FBXW11: variants seen among roughly 807,000 people sequenced by gnomAD.
FBXW11 encodes F-box/WD repeat-containing protein 11.
FBXW11 carries 19 observed loss-of-function variants against 77.6 expected under a neutral mutation model. The ratio of observed to expected loss-of-function variants is 0.24; its 90% CI spans 0.17 to 0.36. FBXW11 has a LOEUF of 0.36. Among genes scored for constraint, FBXW11 ranks in the 10% least tolerant of loss-of-function variants. The pLI, the probability that FBXW11 is intolerant of heterozygous loss-of-function variation, is 1.00. For missense variants in FBXW11, 334 were observed against 704.2 expected (o/e 0.47, Z 5.95); for synonymous variants, 235 against 249.4 (o/e 0.94, Z 0.54).
intron 1 of FBXW11, among the ~76,000 whole-genome samples, chr5:171,988,942 C>T (rs1268511628): frequency 2.0e-5 from 3 of 152,146 alleles, no homozygotes; most frequent in Non-Finnish European, 2.9e-5. Context: ...TTTGGGAGGC[C>T]GAGGTGGGCG....
chr5:171,923,990 A>G (rs1761749896), intron 2 of FBXW11, among the ~76,000 whole-genome samples: 1 of 130,940 alleles, frequency 7.6e-6, no homozygotes, highest in Admixed American at 9.9e-5. Context: ...CTGTGGCACG[A>G]TCTCAGCTCA....
At chr5:172,004,074 T>TA (rs2113629659) in intron 1 of FBXW11, among the ~76,000 whole-genome samples, 1 of 152,152 alleles carries the variant, frequency 6.6e-6, no homozygotes, top group East Asian at 1.9e-4. Context: ...GAAACCAATG[T>TA]AAAAAATATT....
intron 1 of FBXW11, among the ~76,000 whole-genome samples, chr5:171,986,826 C>T (rs1050080021): frequency 1.3e-5 from 2 of 152,192 alleles, no homozygotes; most frequent in Admixed American, 1.3e-4. Flanking sequence ...TGACATAAAG[C>T]AGGGATCCCC....
rs1299270021 is a variant in FBXW11 at position 171,974,983 on chromosome 5, A to G, written c.46-17285T>C. ...TTAATTTTGTATTTTTAGTAGAGAC[A>G]GGGTTTCACTGTGTTGGTCAGGCTA... On this transcript the variant is annotated intron_variant, in intron 1 of 13. Coordinates refer to ENST00000517395, the MANE Select transcript of FBXW11 (RefSeq NM_001378974.1). Among the ~76,000 whole-genome samples, 3 of 152,100 alleles carry G rather than the reference A, an allele frequency of 2.0e-5. No individual in the cohort carries two copies. The East Asian group carries it at 5.8e-4, about 29-fold the overall frequency.
intron 2 of FBXW11, 22 bp from the exon 3 acceptor site, chr5:171,914,427 A>G (rs1761098417): frequency 6.4e-7 from 1 of 1,559,754 alleles, no homozygotes; most frequent in South Asian, 1.2e-5. Context: ...AAAACAGGTT[A>G]TTTGAATTAT....
chr5:171,996,188 TCAC>T (rs1307938661), intron 1 of FBXW11, among the ~76,000 whole-genome samples: 4 of 152,176 alleles, frequency 2.6e-5, no homozygotes, highest in Non-Finnish European at 5.9e-5. Flanking sequence ...GAATAAAATA[TCAC>T]CACTTTACAT....
chr5:171,983,918 A>G (rs1463597225), intron 1 of FBXW11, among the ~76,000 whole-genome samples: 1 of 152,124 alleles, frequency 6.6e-6, no homozygotes, highest in Non-Finnish European at 1.5e-5. Context: ...GTACTCAGCA[A>G]CCCAAGCATT....
Position 171,870,944 on chromosome 5 carries a change from A to T in FBXW11, c.1341-86T>A, listed in dbSNP as rs1372534730. 6 of 873,380 alleles carry T rather than the reference A, an allele frequency of 6.9e-6. No individual in the cohort carries two copies. The African/African-American group carries it at 1.0e-4, about 15-fold the overall frequency. 54.1% of individuals were successfully genotyped at this position (873,380 alleles called of 1,614,324 possible). On this transcript the variant is annotated intron_variant, in intron 10 of 13. Transcript: ENST00000517395. ...AGTTTTTTATATCTGTTCCATACAGATACAATTTTTCACTATCTTGGAGCT... is the reference window on the plus strand; with the variant it reads ...AGTTTTTTATATCTGTTCCATACAGTTACAATTTTTCACTATCTTGGAGCT...
At chr5:171,866,205 C>A (rs1314912301) in intron 13 of FBXW11, among the ~76,000 whole-genome samples, 1 of 150,676 alleles carries the variant, frequency 6.6e-6, no homozygotes, top group Non-Finnish European at 1.5e-5. Context: ...GCGGAGGTTG[C>A]AGTGAGCCAA....
At chr5:171,868,855 A>G in intron 12 of FBXW11, 59 bp from the exon 13 acceptor site, 1 of 1,491,018 alleles carries the variant, frequency 6.7e-7, no homozygotes. Context: ...GATATCTCAC[A>G]ATGAGAAACT....
intron 2 of FBXW11, among the ~76,000 whole-genome samples, chr5:171,928,659 A>G (rs1156321354): frequency 2.0e-5 from 3 of 152,242 alleles, no homozygotes; most frequent in African/African-American, 7.2e-5. Context: ...AACTTCCTCA[A>G]TATGATAAAG....
chr5:171,945,975 A>T (rs979606076), intron 2 of FBXW11, among the ~76,000 whole-genome samples: 8 of 152,164 alleles, frequency 5.3e-5, no homozygotes, highest in Non-Finnish European at 1.0e-4. Context: ...GTCAAATACT[A>T]ATCTATTAGC....
Position 171,863,903 on chromosome 5 carries a change from T to C in FBXW11, c.*224A>G, listed in dbSNP as rs541516563. On this transcript the variant is annotated 3_prime_UTR_variant, in exon 14 of 14. Coordinates refer to ENST00000517395, the MANE Select transcript of FBXW11 (RefSeq NM_001378974.1). ...GAGGGAAGGAAACGGGCTTCTGTTC[T>C]ACTTGAAGCCGGGGAAGCTAAGGTC... 1.3e-5 allele frequency: 2 copies of C among 152,436 alleles called. No homozygotes were observed. The highest frequency in any genetic ancestry group is 2.9e-5 in the Non-Finnish European group (2 of 68,040). The allele number at this position is 152,436 out of a possible 1,614,324, so 9.4% of individuals were successfully genotyped here.
At chr5:171,920,355 T>G (rs115560673) in intron 2 of FBXW11, among the ~76,000 whole-genome samples, 1 of 149,630 alleles carries the variant, frequency 6.7e-6, no homozygotes. Context: ...TCATGCCAAC[T>G]GATCACAGAT....
chr5:171,865,309 G>A (rs1008111433), intron 13 of FBXW11, among the ~76,000 whole-genome samples: 5 of 150,980 alleles, frequency 3.3e-5, no homozygotes, highest in Non-Finnish European at 4.4e-5. Context: ...GTCTTCAAAC[G>A]TGATACCTTT....
intron 1 of FBXW11, among the ~76,000 whole-genome samples, chr5:172,006,152 G>A (rs746057183): frequency 1.3e-5 from 2 of 152,248 alleles, no homozygotes; most frequent in East Asian, 3.9e-4. Flanking sequence ...TGGGGTGCTA[G>A]AGCGAGTGCG....
At chr5:171,962,840 T>C (rs969625982) in intron 1 of FBXW11, among the ~76,000 whole-genome samples, 1 of 152,190 alleles carries the variant, frequency 6.6e-6, no homozygotes, top group Admixed American at 6.5e-5. Context: ...CTGCCCTGAT[T>C]CCTTCTCAAA....
chr5:171,884,420 C>T (rs1039490822), intron 7 of FBXW11, among the ~76,000 whole-genome samples: 5 of 152,104 alleles, frequency 3.3e-5, no homozygotes, highest in African/African-American at 7.2e-5. Flanking sequence ...TGTACCAGTA[C>T]CATGCTGTTT....
At chr5:171,945,419 T>A (rs1366689575) in intron 2 of FBXW11, among the ~76,000 whole-genome samples, 6 of 152,242 alleles carry the variant, frequency 3.9e-5, no homozygotes, top group Non-Finnish European at 4.4e-5. Flanking sequence ...GTGGCTCCAC[T>A]ACATAGAAGG....
Sources: gnomAD v4.1 joint callset for allele counts (sites outside exome capture counted in the v4.1 genomes callset) on GRCh38, gnomAD v4.1.1 for gene constraint, MANE v1.5 for transcripts, NCBI Gene and HGNC (gene_info 2026-07-23, HGNC 2026-07-21) for gene names.